Variants in VWF observed in about 807,000 individuals in gnomAD.
The protein encoded by VWF is Factor VIII related antigen.
VWF carries 176 observed loss-of-function variants against 308.6 expected under a neutral mutation model. That is an observed-to-expected ratio of 0.57 (90% CI 0.50 to 0.65). The LOEUF (loss-of-function observed/expected upper bound fraction) is 0.65. Among genes scored for constraint, VWF ranks in the 30% least tolerant of loss-of-function variants. The probability of loss-of-function intolerance (pLI) is 0.00; values close to 1 mark genes in which losing one functional copy is unlikely to be tolerated. For synonymous variants in VWF, 1,385 were observed against 1,443.4 expected (o/e 0.96, Z 0.92); for missense variants, 3,146 against 3,648.2 (o/e 0.86, Z 3.55).
intron 47 of VWF, among the ~76,000 whole-genome samples, chr12:5,964,966 T>G (rs1943383699): frequency 2.0e-5 from 3 of 152,206 alleles, no homozygotes; most frequent in Admixed American, 6.5e-5. Flanking sequence ...GGGAACAGCC[T>G]GCTCTGCAGC....
rs183640579 is a variant in VWF at position 5,994,533 on chromosome 12, G to C, written c.6138C>G (p.Ile2046Met). The change falls in exon 36 of 52, where the codon ATC becomes ATG. Residue 2046 changes from isoleucine to methionine, a missense_variant. Coordinates refer to ENST00000261405, the MANE Select transcript of VWF (RefSeq NM_000552.5). The part of the protein sequence containing the change: ...GNMEVNVYGA[I>M]MHEVRFNHLG... ...GGTGATTGAATCTGACCTCATGCATGATGGCACCATAAACGTTGACTTCCA... is the reference window on the plus strand; with the variant it reads ...GGTGATTGAATCTGACCTCATGCATCATGGCACCATAAACGTTGACTTCCA... 16 of 1,614,028 alleles carry C rather than the reference G, an allele frequency of 9.9e-6. No individual in the cohort carries two copies. The highest frequency in any genetic ancestry group is 4.5e-5 in the East Asian group (2 of 44,888).
intron 16 of VWF, among the ~76,000 whole-genome samples, chr12:6,047,352 C>T (rs1944456861): frequency 6.6e-6 from 1 of 152,154 alleles, no homozygotes; most frequent in Non-Finnish European, 1.5e-5. Flanking sequence ...TCAAACACAC[C>T]TCAAACTCAG....
chr12:5,964,233 T>TGC (rs1943361482), intron 47 of VWF, among the ~76,000 whole-genome samples: 5 of 145,304 alleles, frequency 3.4e-5, no homozygotes, highest in African/African-American at 1.1e-4. Flanking sequence ...CATACATACA[T>TGC]ACATACATAC....
At position 6,086,951 on chromosome 12, in the gene VWF, G is replaced by A. The variant is rs148383804; in HGVS notation, c.657+8509C>T. The stretch of plus-strand genomic sequence containing the variant: ...GACAGGTGATTTTCTGGGAGGAAGA[G>A]GAATCACAGGTGAACTGCATGCTGT... On this transcript the variant is annotated intron_variant, in intron 6 of 51. Coordinates refer to ENST00000261405, the MANE Select transcript of VWF (RefSeq NM_000552.5). Among the ~76,000 whole-genome samples, 9 of 152,218 alleles carry A rather than the reference G, an allele frequency of 5.9e-5. No homozygotes were observed. In the East Asian group the frequency reaches 1.2e-3, roughly 20 times the overall value.
At chr12:5,979,347 T>C (rs1214201095) in intron 42 of VWF, among the ~76,000 whole-genome samples, 1 of 152,218 alleles carries the variant, frequency 6.6e-6, no homozygotes, top group Admixed American at 6.5e-5. Flanking sequence ...TAATAAATCT[T>C]AGACAACAAA....
chr12:6,121,240 T>A lies in VWF; in HGVS notation c.154A>T (p.Ser52Cys), dbSNP rs747701551. 1 of 1,614,208 alleles carries A rather than the reference T, an allele frequency of 6.2e-7. No individual in the cohort carries two copies. Among genetic ancestry groups the A allele is most frequent in the African/African-American group, 1.3e-5 (1 of 75,058 alleles). Residue 52 changes from serine to cysteine, a missense_variant, in exon 3 of 52, where the codon AGC becomes TGC. By Grantham distance (112) the Ser-to-Cys change is moderately radical (BLOSUM62 -1). This residue lies in a region of VWF where 1,304 missense variants were observed against 1,353.0 expected (regional missense o/e 0.96). Transcript: ENST00000261405. ...FVNTFDGSMY[S>C]FAGYCSYLLA... ...AGGTAACTGCAGTATCCCGCAAAGC[T>A]GTACATGCTCCCATCAAAGGTGTTG...
chr12:5,993,044 A>G (rs888069067), intron 37 of VWF, among the ~76,000 whole-genome samples: 1 of 152,186 alleles, frequency 6.6e-6, no homozygotes, highest in Non-Finnish European at 1.5e-5. Flanking sequence ...CTAAGAGAAC[A>G]GTCCATCCAC....
At chr12:5,950,117 C>T (rs557041759) in intron 50 of VWF, among the ~76,000 whole-genome samples, 34 of 152,132 alleles carry the variant, frequency 2.2e-4, no homozygotes, top group Non-Finnish European at 4.9e-4. Context: ...ATTTTAATTG[C>T]AGGAAGAGCC....
At chr12:6,096,389 G>A (rs186206841) in intron 5 of VWF, among the ~76,000 whole-genome samples, 71 of 152,184 alleles carry the variant, frequency 4.7e-4, no homozygotes, top group South Asian at 1.0e-3. Context: ...CTCCCATTTC[G>A]CACCCCAGCC....
chr12:5,985,644 C>A lies in VWF; in HGVS notation c.6820G>T (p.Asp2274Tyr), dbSNP rs1293058536. ...QHQFLEAWVP[D>Y]HQPCQICTCL... ...GTGCAGATCTGACAGGGCTGGTGGTCCGGGACCCAGGCTTCCAGGAACTGA... is the reference window on the plus strand; with the variant it reads ...GTGCAGATCTGACAGGGCTGGTGGTACGGGACCCAGGCTTCCAGGAACTGA... The change falls in exon 39 of 52, where the codon GAC becomes TAC. Residue 2274 changes from aspartate to tyrosine, a missense_variant. By Grantham distance (160) the Asp-to-Tyr change is radical (BLOSUM62 -3). This residue lies in a region of VWF where 989 missense variants were observed against 1,117.4 expected (regional missense o/e 0.89). Coordinates refer to ENST00000261405, the MANE Select transcript of VWF (RefSeq NM_000552.5). 1.9e-6 allele frequency: 3 copies of A among 1,614,114 alleles called. No individual in the cohort carries two copies. The South Asian group carries it at 3.3e-5, about 18-fold the overall frequency.
chr12:6,100,710 G>T (rs12826868), intron 5 of VWF, among the ~76,000 whole-genome samples: 1 of 151,950 alleles, frequency 6.6e-6, no homozygotes, highest in Non-Finnish European at 1.5e-5. Context: ...CATGGACACA[G>T]GAAGGGGAAC....
chr12:5,986,009 G>A (rs1943676579), intron 38 of VWF, among the ~76,000 whole-genome samples: 1 of 152,132 alleles, frequency 6.6e-6, no homozygotes, highest in Non-Finnish European at 1.5e-5. Context: ...TTGTTGCTTG[G>A]GGAAAAAAAT....
rs896338129 is a variant in VWF at position 6,075,756 on chromosome 12, C to G, written c.658-205G>C. Reference sequence around the variant, plus strand: ...CCGTGCAATGTGAAGTAGACCAAGGCTAAGGTTACATCCTAGACTGAGTCC... The same window carrying G: ...CCGTGCAATGTGAAGTAGACCAAGGGTAAGGTTACATCCTAGACTGAGTCC... On this transcript the variant is annotated intron_variant, in intron 6 of 51. Coordinates refer to ENST00000261405, the MANE Select transcript of VWF (RefSeq NM_000552.5). This position sits in a 1 kb window ranked among gnomAD's most constrained non-coding sequence, Gnocchi z 4.7. Among the ~76,000 whole-genome samples, 2 of 152,206 alleles carry G rather than the reference C, an allele frequency of 1.3e-5. No homozygotes were observed. The highest frequency in any genetic ancestry group is 2.9e-5 in the Non-Finnish European group (2 of 68,030).
chr12:6,077,827 C>T (rs976692829), intron 6 of VWF, among the ~76,000 whole-genome samples: 21 of 152,098 alleles, frequency 1.4e-4, no homozygotes, highest in Non-Finnish European at 2.5e-4. Context: ...GGGAGACTGA[C>T]AGAGGTGGGC....
At chr12:6,031,660 AGG>A in intron 20 of VWF, 82 bp from the exon 21 acceptor site, 1 of 1,605,986 alleles carries the variant, frequency 6.2e-7, no homozygotes, top group African/African-American at 1.3e-5. Flanking sequence ...TCTTCATCAC[AGG>A]CCTTTGAGTA....
intron 47 of VWF, among the ~76,000 whole-genome samples, chr12:5,955,941 A>C (rs983133326): frequency 3.9e-5 from 6 of 152,238 alleles, no homozygotes; most frequent in African/African-American, 1.4e-4. Context: ...GAGAGGAATA[A>C]AGATGTAAAA....
In VWF at chr12:6,031,549, A is replaced by G. The variant is rs755688033; in HGVS notation, c.2715T>C (p.Phe905=). The G allele has an allele frequency of 6.2e-7, 1 of 1,613,992 alleles. No individual in the cohort carries two copies. The highest frequency in any genetic ancestry group is 1.1e-5 in the South Asian group (1 of 91,074). Residue 905 remains phenylalanine, a synonymous_variant, in exon 21 of 52, where the codon TTT becomes TTC. Transcript: ENST00000261405. ...QDYCGSNPGT[F]RILVGNKGCS... is the part of the protein sequence containing the mutation. ...ATCCCTTATTCCCCACTAGGATCCGAAAGGTCCCAGGGTTACTGCCGCAGT... is the reference window on the plus strand; with the variant it reads ...ATCCCTTATTCCCCACTAGGATCCGGAAGGTCCCAGGGTTACTGCCGCAGT...
chr12:6,104,553 C>T (rs901997761), intron 5 of VWF, among the ~76,000 whole-genome samples: 3 of 151,796 alleles, frequency 2.0e-5, no homozygotes, highest in South Asian at 2.1e-4. Flanking sequence ...AAAAATGAGC[C>T]GGACGTGGTG....
At position 6,058,116 on chromosome 12, in the gene VWF, T is replaced by C; in HGVS notation, c.1534-72A>G. ...CGGCATAGTTGTTTAGCTAATGAGA[T>C]GGTTTTAATAAAAAAAAAAAAGTTC... On this transcript the variant is annotated intron_variant, in intron 13 of 51. Coordinates refer to ENST00000261405, the MANE Select transcript of VWF (RefSeq NM_000552.5). This position sits in a 1 kb window ranked among gnomAD's most constrained non-coding sequence, Gnocchi z 4.9. 1.3e-6 allele frequency: 2 copies of C among 1,522,712 alleles called. No homozygotes were observed. The highest frequency in any genetic ancestry group is 4.6e-5 in the East Asian group (2 of 43,894). The allele number at this position is 1,522,712 out of a possible 1,614,324, so 94.3% of individuals were successfully genotyped here.
Sources: gnomAD v4.1 joint callset for allele counts (sites outside exome capture counted in the v4.1 genomes callset) on GRCh38, gnomAD v4.1.1 for gene constraint, gnomAD v4.1.1 regional missense constraint, Gnocchi (gnomAD v3.1) non-coding constraint, MANE v1.5 for transcripts, NCBI Gene and HGNC (gene_info 2026-07-23, HGNC 2026-07-21) for gene names.